The following NRXN1 variants were observed in gnomAD, a reference collection of about 807,000 sequenced individuals.
NRXN1 encodes the protein neurexin 1.
Under a neutral mutation model 150.9 loss-of-function variants are expected in NRXN1, and 39 were observed. That is an observed-to-expected ratio of 0.26 (90% CI 0.20 to 0.34). NRXN1 has a LOEUF of 0.34. Ranked by LOEUF, NRXN1 falls within the 10% of genes least tolerant of loss-of-function variation. The pLI, the probability that NRXN1 is intolerant of heterozygous loss-of-function variation, is 1.00. For synonymous variants in NRXN1, 924 were observed against 757.0 expected, an observed-to-expected ratio of 1.22 and a Z score of -3.62; for missense variants, 1,815 against 1,949.9, an observed-to-expected ratio of 0.93 and a Z score of 1.30.
At chr2:50,815,485 A>T (rs1351531730) in intron 5 of NRXN1, among the ~76,000 whole-genome samples, 2 of 152,182 alleles carry the variant, frequency 1.3e-5, no homozygotes, top group Non-Finnish European at 1.5e-5. Context: ...TCTGTGTCTT[A>T]TAAGTCTCTT....
chr2:50,506,554 C>T lies in NRXN1; in HGVS notation c.2438G>A (p.Arg813His), dbSNP rs773464948. The T allele has an allele frequency of 2.5e-5, 40 of 1,613,184 alleles. No homozygotes were observed. Among genetic ancestry groups the T allele is most frequent in the East Asian group, 1.8e-4 (8 of 44,852 alleles). ...NLNDNEWHTV[R>H]VVRRGKSLKL... ...TAAACTTTTTCCACGCCGAACTACACGCACTGTGTGCCACTCGTTATCATT... is the reference window on the plus strand; with the variant it reads ...TAAACTTTTTCCACGCCGAACTACATGCACTGTGTGCCACTCGTTATCATT... The change falls in exon 13 of 23, where the codon CGT becomes CAT. Residue 813 changes from arginine to histidine, a missense_variant. Physicochemically the swap from Arg to His is conservative, Grantham distance 29. Transcript: ENST00000401669.
chr2:50,636,332 T>A (rs1215290232), intron 5 of NRXN1, among the ~76,000 whole-genome samples: 2 of 152,150 alleles, frequency 1.3e-5, no homozygotes. Flanking sequence ...TTGGACACTT[T>A]TCAGCTCTGC....
chr2:50,013,153 G>T (rs1201971051), intron 21 of NRXN1, among the ~76,000 whole-genome samples: 7 of 151,848 alleles, frequency 4.6e-5, no homozygotes, highest in Admixed American at 4.6e-4. Context: ...CATTTTCATT[G>T]GTTATCTTTT....
chr2:50,327,924 C>T (rs1022659718), intron 17 of NRXN1, among the ~76,000 whole-genome samples: 7 of 152,202 alleles, frequency 4.6e-5, no homozygotes, highest in Non-Finnish European at 8.8e-5. Context: ...GCTGGGATTA[C>T]AGGTGTGAGC....
Position 50,091,447 on chromosome 2 carries a change from G to T in NRXN1, c.3594C>A (p.Ile1198=), listed in dbSNP as rs200460049. ...TGATTGCATTGGATTCTTCAATGGC[G>T]ATGTCATCTGTCCCAACATTAAACT... ...GVKFNVGTDD[I]AIEESNAIIN... is the part of the protein sequence containing the mutation. The change falls in exon 19 of 23, where the codon ATC becomes ATA. Residue 1198 remains isoleucine, a synonymous_variant. Transcript: ENST00000401669. The T allele has an allele frequency of 2.5e-6, 4 of 1,614,018 alleles. No homozygotes were observed. The highest frequency in any genetic ancestry group is 1.3e-5 in the African/African-American group (1 of 74,946).
At chr2:50,619,734 C>A in intron 8 of NRXN1, 1 of 407,514 alleles carries the variant, frequency 2.5e-6, no homozygotes, top group East Asian at 3.5e-5. Context: ...AACTTTAGAC[C>A]CAGTATCTCT....
intron 5 of NRXN1, among the ~76,000 whole-genome samples, chr2:50,688,853 C>T (rs544013864): frequency 5.3e-5 from 8 of 152,232 alleles, no homozygotes; most frequent in East Asian, 1.9e-4. Flanking sequence ...CATGGGCTTG[C>T]GGCTGCTAAT....
At chr2:50,969,312 C>T (rs1349115088) in intron 2 of NRXN1, among the ~76,000 whole-genome samples, 2 of 152,194 alleles carry the variant, frequency 1.3e-5, no homozygotes, top group African/African-American at 4.8e-5. Flanking sequence ...CATTTCCAGT[C>T]TAGAACACTG....
chr2:50,718,682 T>A (rs777470757), intron 5 of NRXN1, among the ~76,000 whole-genome samples: 1 of 152,182 alleles, frequency 6.6e-6, no homozygotes, highest in Non-Finnish European at 1.5e-5. Context: ...CAAAAGCTTT[T>A]AAGAGACAAG....
Position 50,552,716 on chromosome 2 carries a change from C to G in NRXN1, c.1630G>C (p.Glu544Gln). The part of the protein sequence containing the change: ...QMIKVDFFAI[E>Q]MLDGHLYLLL... ...AGGTAGAGGTGGCCATCTAGCATCT[C>G]AATAGCAAAGAAGTCCACCTTTATC... Residue 544 changes from glutamate (E) to glutamine (Q), a missense_variant, in exon 9 of 23, where the codon GAG becomes CAG. Physicochemically the swap from Glu to Gln is conservative, Grantham distance 29 (BLOSUM62 2). Coordinates refer to ENST00000401669, the MANE Select transcript of NRXN1 (RefSeq NM_001330078.2). The G allele has an allele frequency of 6.2e-7, 1 of 1,613,962 alleles. No individual in the cohort carries two copies. The highest frequency in any genetic ancestry group is 2.2e-5 in the East Asian group (1 of 44,876).
intron 17 of NRXN1, among the ~76,000 whole-genome samples, chr2:50,260,983 T>C (rs906918088): frequency 6.6e-6 from 1 of 151,720 alleles, no homozygotes; most frequent in Non-Finnish European, 1.5e-5. Context: ...TCTTCCTTCT[T>C]TTCAATTGAA....
At chr2:50,560,676 C>T (rs764258872) in intron 8 of NRXN1, among the ~76,000 whole-genome samples, 14 of 152,052 alleles carry the variant, frequency 9.2e-5, no homozygotes, top group Admixed American at 2.0e-4. Flanking sequence ...AAGTGATCCG[C>T]CTGCTTTGGC....
intron 5 of NRXN1, among the ~76,000 whole-genome samples, chr2:50,648,495 G>C (rs1573957626): frequency 6.6e-6 from 1 of 152,058 alleles, no homozygotes; most frequent in African/African-American, 2.4e-5. Context: ...TCATAGGCTT[G>C]TCTTCTGCAT....
At position 50,347,442 on chromosome 2, in the gene NRXN1, C is replaced by A; in HGVS notation, c.3365-110472G>T. 8.8e-7 allele frequency: 1 copy of A among 1,138,800 alleles called. No individual in the cohort carries two copies. The highest frequency in any genetic ancestry group is 1.1e-6 in the Non-Finnish European group (1 of 915,972). The allele number at this position is 1,138,800 out of a possible 1,614,324, so 70.5% of individuals were successfully genotyped here. A position where few individuals can be genotyped will look rare whatever the true frequency, so the allele number is the denominator to read the frequency against. On this transcript the variant is annotated intron_variant, in intron 17 of 22. Coordinates refer to ENST00000401669, the MANE Select transcript of NRXN1 (RefSeq NM_001330078.2). The surrounding 1 kb of genome is among the most constrained non-coding windows in gnomAD (Gnocchi z 4.9). Reference sequence around the variant, plus strand: ...GGGACTAGGGAGGCCACTTCGCCGGCCCAACCTCCTTTCAAGACAGAAGCA... The same window carrying A: ...GGGACTAGGGAGGCCACTTCGCCGGACCAACCTCCTTTCAAGACAGAAGCA...
At chr2:50,864,439 A>T (rs1314975521) in intron 5 of NRXN1, among the ~76,000 whole-genome samples, 2 of 152,044 alleles carry the variant, frequency 1.3e-5, no homozygotes, top group Non-Finnish European at 2.9e-5. Context: ...AATACACATA[A>T]AGGTAATGGA....
intron 18 of NRXN1, among the ~76,000 whole-genome samples, chr2:50,167,408 C>CT (rs1031145139): frequency 1.1e-4 from 17 of 152,038 alleles, no homozygotes; most frequent in African/African-American, 3.9e-4. Context: ...GCCTCCCCCC[C>CT]GCCTGTTAAT....
intron 2 of NRXN1, chr2:50,979,397 T>C (rs1051354186): frequency 1.2e-5 from 5 of 419,066 alleles, no homozygotes; most frequent in African/African-American, 4.1e-5. Flanking sequence ...TTCAGGTATT[T>C]CCATCTTGGG....
intron 19 of NRXN1, among the ~76,000 whole-genome samples, chr2:50,064,218 A>C (rs1364674663): frequency 6.6e-6 from 1 of 151,652 alleles, no homozygotes; most frequent in Admixed American, 6.6e-5. Context: ...CTCTATATAT[A>C]ATATATATAA....
chr2:50,437,743 G>A (rs777158427), intron 17 of NRXN1, among the ~76,000 whole-genome samples: 38 of 151,886 alleles, frequency 2.5e-4, no homozygotes, highest in Non-Finnish European at 5.0e-4. Flanking sequence ...AAGACAAAAA[G>A]GGAAGATTTT....
Sources: allele counts gnomAD v4.1 joint callset (sites outside exome capture counted in the v4.1 genomes callset), GRCh38; gene constraint gnomAD v4.1.1; non-coding constraint Gnocchi (gnomAD v3.1); transcripts MANE v1.5; gene names NCBI Gene and HGNC (gene_info 2026-07-23, HGNC 2026-07-21).